Variants in EDA observed in about 807,000 individuals in gnomAD.
EDA encodes ectodysplasin A.
EDA carries 2 observed loss-of-function variants against 23.6 expected under a neutral mutation model. The ratio of observed to expected loss-of-function variants is 0.08; its 90% CI spans 0.03 to 0.27. EDA has a LOEUF of 0.27. EDA is among the 10% of genes least tolerant of loss of function. The probability of loss-of-function intolerance (pLI) is 1.00; values close to 1 mark genes in which losing one functional copy is unlikely to be tolerated. For missense variants in EDA, 229 were observed against 324.2 expected (o/e 0.71, Z 2.26); for synonymous variants, 131 against 132.0 (o/e 0.99, Z 0.05).
intron 1 of EDA, among the ~76,000 whole-genome samples, chrX:69,776,396 G>T (rs776424147): frequency 9.0e-6 from 1 of 111,121 alleles, no homozygotes; most frequent in Non-Finnish European, 1.9e-5. Context: ...TGCTGTTCTC[G>T]TAGTAGTGAA....
intron 1 of EDA, among the ~76,000 whole-genome samples, chrX:69,711,098 T>C (rs2012000820): frequency 9.0e-6 from 1 of 111,598 alleles, no homozygotes; most frequent in Admixed American, 9.5e-5. Flanking sequence ...CTTCCAGTTT[T>C]TGCCCATTCA....
At chrX:69,725,098 A>G (rs749931183) in intron 1 of EDA, among the ~76,000 whole-genome samples, 1 of 112,257 alleles carries the variant, frequency 8.9e-6, no homozygotes, top group East Asian at 2.8e-4. Flanking sequence ...GAAGTCTTAA[A>G]TTTCTATTGT....
intron 1 of EDA, among the ~76,000 whole-genome samples, chrX:69,728,530 T>C (rs760226314): frequency 1.2e-4 from 14 of 112,201 alleles, no homozygotes; most frequent in African/African-American, 4.5e-4. Flanking sequence ...TTGGCATGGC[T>C]AGGATGAAGG....
rs200764129 is a variant in EDA at position 69,710,312 on chromosome X, T to C, written c.396+93608T>C. ...GTCAAAGATCAGATAGTTGTAGATA[T>C]GCGGCATTATTTCTGAGGGCTCTGT... On this transcript the variant is annotated intron_variant, in intron 1 of 7. Coordinates refer to ENST00000374552, the MANE Select transcript of EDA (RefSeq NM_001399.5). 1.3e-3 allele frequency among the ~76,000 whole-genome samples: 142 copies of C among 110,778 alleles called. 3 individuals are homozygous for C. The East Asian group carries it at 0.036, about 28-fold the overall frequency.
At chrX:69,777,272 G>A (rs1397733325) in intron 1 of EDA, among the ~76,000 whole-genome samples, 1 of 110,160 alleles carries the variant, frequency 9.1e-6, no homozygotes, top group Non-Finnish European at 1.9e-5. Context: ...GGGTGGGTAG[G>A]TGAGTATTTT....
At chrX:70,031,651 G>A (rs2020201803) in intron 6 of EDA, among the ~76,000 whole-genome samples, 1 of 111,965 alleles carries the variant, frequency 8.9e-6, no homozygotes, top group Non-Finnish European at 1.9e-5. Context: ...CTTAATGACT[G>A]TATTTAGCTA....
chrX:69,651,955 A>C (rs1216515755), intron 1 of EDA, among the ~76,000 whole-genome samples: 1 of 110,643 alleles, frequency 9.0e-6, no homozygotes, highest in Non-Finnish European at 1.9e-5. Flanking sequence ...CCCACCTCTG[A>C]TGATACCCTT....
chrX:69,969,157 G>T (rs754300601), intron 2 of EDA, among the ~76,000 whole-genome samples: 1 of 112,331 alleles, frequency 8.9e-6, no homozygotes, highest in Non-Finnish European at 1.9e-5. Flanking sequence ...ACAACAAGTC[G>T]TGGGCCTGGC....
At chrX:69,693,798 C>T (rs188358443) in intron 1 of EDA, among the ~76,000 whole-genome samples, 162 of 111,893 alleles carry the variant, frequency 1.4e-3, no homozygotes, top group African/African-American at 5.2e-3. Context: ...AAAGGAAATA[C>T]ATGTTTTAAT....
At chrX:69,731,778 T>G (rs934606567) in intron 1 of EDA, among the ~76,000 whole-genome samples, 1 of 111,740 alleles carries the variant, frequency 8.9e-6, no homozygotes, top group East Asian at 2.8e-4. Context: ...AAATGTCCCC[T>G]AAGCACTGCT....
chrX:69,632,781 G>A (rs1932651107), intron 1 of EDA, among the ~76,000 whole-genome samples: 1 of 112,034 alleles, frequency 8.9e-6, no homozygotes, highest in Non-Finnish European at 1.9e-5. Context: ...TCTCCATAGA[G>A]GAAATGTGTT....
intron 1 of EDA, among the ~76,000 whole-genome samples, chrX:69,920,976 TTATTTATTTATG>T (rs1261595292): frequency 5.4e-5 from 6 of 110,178 alleles, no homozygotes; most frequent in African/African-American, 2.0e-4. Flanking sequence ...ATTTATTTAT[TTATTTATTTATG>T]TCTAGATAAA....
At chrX:69,881,910 G>C (rs988485153) in intron 1 of EDA, among the ~76,000 whole-genome samples, 2 of 110,202 alleles carry the variant, frequency 1.8e-5, no homozygotes, top group Non-Finnish European at 3.8e-5. Flanking sequence ...GTAACTAATA[G>C]AGCAAGAACT....
chrX:69,958,658 CCAATT>C (rs1556039453), intron 2 of EDA, among the ~76,000 whole-genome samples: 1 of 111,446 alleles, frequency 9.0e-6, no homozygotes, highest in African/African-American at 3.3e-5. Flanking sequence ...CAATTGATGA[CCAATT>C]CAAGCCTAAG....
rs1002858537 is a variant in EDA at position 69,838,055 on chromosome X, T to G, written c.397-118972T>G. Among the ~76,000 whole-genome samples, 3 of 112,366 alleles carry G rather than the reference T, an allele frequency of 2.7e-5. No homozygotes were observed. In the Admixed American group the frequency reaches 2.8e-4, roughly 11 times the overall value. ...GTCTCAGCATTGTAAAGAGGATCTGTCACTTTTGGCAGCCACAATCTCCCC... is the reference window on the plus strand; with the variant it reads ...GTCTCAGCATTGTAAAGAGGATCTGGCACTTTTGGCAGCCACAATCTCCCC... On this transcript the variant is annotated intron_variant, in intron 1 of 7. Transcript: ENST00000374552.
intron 1 of EDA, chrX:69,617,046 T>C (rs941668896): frequency 1.0e-5 from 4 of 390,521 alleles, no homozygotes; most frequent in Non-Finnish European, 1.4e-5. Flanking sequence ...CTGCTCGTGA[T>C]GAGGTTCTCT....
At chrX:69,730,374 G>A (rs2012976369) in intron 1 of EDA, among the ~76,000 whole-genome samples, 1 of 48 alleles carries the variant, frequency 0.021, no homozygotes, top group Admixed American at 0.17. Flanking sequence ...TGACTTGGTA[G>A]AAAAGAAGGG....
chrX:70,012,458 A>G, intron 2 of EDA, among the ~76,000 whole-genome samples: 1 of 112,098 alleles, frequency 8.9e-6, no homozygotes, highest in South Asian at 3.8e-4. Context: ...TGGTAGAGAC[A>G]GAGCCAAATC....
At chrX:69,704,248 C>G (rs765468449) in intron 1 of EDA, among the ~76,000 whole-genome samples, 1 of 111,594 alleles carries the variant, frequency 9.0e-6, no homozygotes, top group African/African-American at 3.3e-5. Context: ...TAGGCAGATT[C>G]AAAGATTTTC....
Sources: allele counts gnomAD v4.1 joint callset (sites outside exome capture counted in the v4.1 genomes callset), GRCh38; gene constraint gnomAD v4.1.1; transcripts MANE v1.5; gene names NCBI Gene and HGNC (gene_info 2026-07-23, HGNC 2026-07-21).